Variants in LITAF observed in about 807,000 individuals in gnomAD.
The protein encoded by LITAF is lipopolysaccharide induced TNF factor.
Under a neutral mutation model 14.5 loss-of-function variants are expected in LITAF, and 9 were observed. The ratio of observed to expected loss-of-function variants is 0.62; its 90% CI spans 0.37 to 1.08. The LOEUF is 1.08. Among genes scored for constraint, LITAF ranks in the 50% least tolerant of loss-of-function variants. The pLI, the probability that LITAF is intolerant of heterozygous loss-of-function variation, is 0.01. For synonymous variants in LITAF, 98 were observed against 88.2 expected, an observed-to-expected ratio of 1.11 and a Z score of -0.62; for missense variants, 206 against 213.4, an observed-to-expected ratio of 0.97 and a Z score of 0.22.
rs1256253269 is a variant in LITAF, at chr16:11,634,452, C to T, written c.-20-815G>A. 6.6e-6 allele frequency among the ~76,000 whole-genome samples: 1 copy of T among 152,158 alleles called. No individual in the cohort carries two copies. Among genetic ancestry groups the T allele is most frequent in the African/African-American group, 2.4e-5 (1 of 41,430 alleles). On this transcript the variant is annotated intron_variant, in intron 2 of 3. Coordinates refer to the LITAF transcript ENST00000574848. This position sits in a 1 kb window ranked among gnomAD's most constrained non-coding sequence, Gnocchi z 4.1. ...AAGCTAAATTCTGCTAAGGTGTAGACATACATGATTACCAGCCATTATTCC... is the reference window on the plus strand; with the variant it reads ...AAGCTAAATTCTGCTAAGGTGTAGATATACATGATTACCAGCCATTATTCC...
At chr16:11,630,262 C>G (rs575347155) in intron 3 of LITAF, among the ~76,000 whole-genome samples, 1 of 152,148 alleles carries the variant, frequency 6.6e-6, no homozygotes, top group Admixed American at 6.5e-5. Context: ...CATGACTGAT[C>G]GATTGGTTTG....
intron 1 of LITAF, among the ~76,000 whole-genome samples, chr16:11,585,818 A>G (rs1022316875): frequency 3.9e-5 from 6 of 152,152 alleles, no homozygotes; most frequent in African/African-American, 1.4e-4. Flanking sequence ...GGAGCTTGGA[A>G]GACCCCGTGG....
rs2065121348 is a variant in LITAF, at chr16:11,632,173, A to G, written c.85+1360T>C. 6.6e-6 allele frequency among the ~76,000 whole-genome samples: 1 copy of G among 152,108 alleles called. No homozygotes were observed. Among genetic ancestry groups the G allele is most frequent in the Non-Finnish European group, 1.5e-5 (1 of 68,022 alleles). ...TGAGCCACTGCGCCCGGCCTCGCAA[A>G]GAACCTATTTTCAAATCAGGTCACC... On this transcript the variant is annotated intron_variant, in intron 3 of 3. Coordinates refer to the LITAF transcript ENST00000574848. This position sits in a 1 kb window ranked among gnomAD's most constrained non-coding sequence, Gnocchi z 4.8.
At position 11,549,610 on chromosome 16, in the gene LITAF, C is replaced by G; in HGVS notation, c.*27G>C. 6.4e-7 allele frequency: 1 copy of G among 1,562,850 alleles called. No homozygotes were observed. The highest frequency in any genetic ancestry group is 8.8e-7 in the Non-Finnish European group (1 of 1,137,634). The stretch of plus-strand genomic sequence containing the variant: ...AGGTGGAAAGGACTTCCTGCGGCAC[C>G]CGGCTCCCTCCACGTCTGGCTGAGT... On this transcript the variant is annotated 3_prime_UTR_variant, in exon 4 of 4. Coordinates refer to ENST00000622633, the MANE Select transcript of LITAF (RefSeq NM_001136472.2). This position sits in a 1 kb window ranked among gnomAD's most constrained non-coding sequence, Gnocchi z 4.6.
upstream of LITAF, among the ~76,000 whole-genome samples, chr16:11,598,919 A>G (rs546796554): frequency 1.4e-5 from 2 of 143,746 alleles, no homozygotes; most frequent in South Asian, 4.4e-4. Flanking sequence ...TCCCGGGTTC[A>G]AGCGATTCTC....
intron 3 of LITAF, among the ~76,000 whole-genome samples, chr16:11,610,855 G>A (rs546103638): frequency 1.7e-4 from 26 of 152,204 alleles, no homozygotes; most frequent in African/African-American, 6.0e-4. Flanking sequence ...CTCTTGGGTG[G>A]GGCTGGGGAA....
At chr16:11,600,863 G>A (rs1019397770), upstream of LITAF, among the ~76,000 whole-genome samples, 5 of 151,540 alleles carry the variant, frequency 3.3e-5, no homozygotes, top group Non-Finnish European at 5.9e-5. This position sits in a 1 kb window ranked among gnomAD's most constrained non-coding sequence, Gnocchi z 4.1. Context: ...CCAATGTCCC[G>A]CATATCCTCA....
chr16:11,585,232 A>C (rs901417591), intron 1 of LITAF, among the ~76,000 whole-genome samples: 82 of 106,664 alleles, frequency 7.7e-4, no homozygotes, highest in Admixed American at 2.1e-3. Context: ...CTCTGTCTCA[A>C]AAAAAAAAAA....
chr16:11,610,656 G>C (rs992260677), intron 3 of LITAF, among the ~76,000 whole-genome samples: 2 of 152,118 alleles, frequency 1.3e-5, no homozygotes, highest in African/African-American at 4.8e-5. Context: ...AAAAACCATC[G>C]CCCAGTGGTC....
intron 1 of LITAF, among the ~76,000 whole-genome samples, chr16:11,568,901 A>G (rs963993503): frequency 2.0e-5 from 3 of 152,054 alleles, no homozygotes; most frequent in Non-Finnish European, 4.4e-5. Context: ...CCTGGTCTCC[A>G]ACTCCTGACC....
rs1260434049 is a variant in LITAF, at chr16:11,623,845, T to C, written c.85+9688A>G. Among the ~76,000 whole-genome samples, 3 of 151,880 alleles carry C rather than the reference T, an allele frequency of 2.0e-5. No homozygotes were observed. The East Asian group carries it at 5.8e-4, about 29-fold the overall frequency. ...ACCTGGGCATGGTGGCAGGCGCCTG[T>C]AATCCCAGCTACTTGGGAGGCTGAG... On this transcript the variant is annotated intron_variant, in intron 3 of 3. Transcript: ENST00000574848.
upstream of LITAF, among the ~76,000 whole-genome samples, chr16:11,603,174 G>A (rs1400989469): frequency 6.6e-6 from 1 of 152,226 alleles, no homozygotes; most frequent in Non-Finnish European, 1.5e-5. Context: ...TGAAGAGGAG[G>A]AGGGGGTTGC....
At chr16:11,588,539 AAAG>A (rs71406257), upstream of LITAF, among the ~76,000 whole-genome samples, 37,298 of 149,034 alleles carry the variant, frequency 0.25, 5,264 homozygotes, top group South Asian at 0.32. Context: ...AAAGAAAGAA[AAAG>A]AAGAAAGAAA....
upstream of LITAF, among the ~76,000 whole-genome samples, chr16:11,602,315 C>G (rs771580147): frequency 1.7e-4 from 26 of 152,148 alleles, no homozygotes; most frequent in Non-Finnish European, 3.4e-4. Context: ...GAGATCGCAC[C>G]ACTGCACTCC....
chr16:11,565,305 A>G (rs2064433647), intron 1 of LITAF, among the ~76,000 whole-genome samples: 2 of 151,480 alleles, frequency 1.3e-5, no homozygotes, highest in Non-Finnish European at 1.5e-5. Context: ...CTGGGCTCGA[A>G]CTCCTAACCT....
intron 1 of LITAF, among the ~76,000 whole-genome samples, chr16:11,576,938 T>C (rs142376160): frequency 2.0e-5 from 3 of 152,332 alleles, no homozygotes; most frequent in Non-Finnish European, 2.9e-5. Flanking sequence ...AAAACAGCAA[T>C]CTTGCCTTTA....
intron 1 of LITAF, among the ~76,000 whole-genome samples, chr16:11,577,259 G>A (rs1285604334): frequency 6.6e-6 from 1 of 151,912 alleles, no homozygotes; most frequent in Non-Finnish European, 1.5e-5. Flanking sequence ...TGCCCATATG[G>A]CACATCTATC....
At position 11,605,912 on chromosome 16, in the gene LITAF, C is replaced by A. The variant is rs939506393; in HGVS notation, c.85+27621G>T. On this transcript the variant is annotated intron_variant, in intron 3 of 3. Transcript: ENST00000574848. The surrounding 1 kb of genome is among the most constrained non-coding windows in gnomAD (Gnocchi z 4.7). The stretch of plus-strand genomic sequence containing the variant: ...GCTGCCTCTTTAGGATCAAGACCAA[C>A]CTCTCCCACGGCCTGCGCACAGCCT... 4.6e-5 allele frequency among the ~76,000 whole-genome samples: 7 copies of A among 152,198 alleles called. No homozygotes were observed. The highest frequency in any genetic ancestry group is 7.3e-5 in the Non-Finnish European group (5 of 68,042).
chr16:11,549,039 C>T lies in LITAF; in HGVS notation c.*598G>A, dbSNP rs367546754. The stretch of plus-strand genomic sequence containing the variant: ...ATATGTCTGTACTGGGTGTTAATAG[C>T]CCCCTCCTTGTATTTAAAAAAAAAA... On this transcript the variant is annotated 3_prime_UTR_variant, in exon 4 of 4. Transcript: ENST00000622633. The surrounding 1 kb of genome is among the most constrained non-coding windows in gnomAD (Gnocchi z 4.6). 4.7e-5 allele frequency: 21 copies of T among 446,808 alleles called. No homozygotes were observed. In the East Asian group the frequency reaches 9.2e-4, roughly 20 times the overall value. The allele number at this position is 446,808 out of a possible 1,614,324, so 27.7% of individuals were successfully genotyped here. A position where few individuals can be genotyped will look rare whatever the true frequency, so the allele number is the denominator to read the frequency against.
Sources: allele counts gnomAD v4.1 joint callset (sites outside exome capture counted in the v4.1 genomes callset), GRCh38; gene constraint gnomAD v4.1.1; non-coding constraint Gnocchi (gnomAD v3.1); transcripts MANE v1.5; gene names NCBI Gene and HGNC (gene_info 2026-07-23, HGNC 2026-07-21).